Variants in RORA observed in about 807,000 individuals in gnomAD.
The protein encoded by RORA is RAR related orphan receptor A.
Under a neutral mutation model 69.5 loss-of-function variants are expected in RORA, and 7 were observed. The ratio of observed to expected loss-of-function variants is 0.10; its 90% CI spans 0.06 to 0.19. The LOEUF (loss-of-function observed/expected upper bound fraction) is 0.19, where lower values mean the gene tolerates loss of function less well. Among genes scored for constraint, RORA ranks in the 10% least tolerant of loss-of-function variants. RORA has a pLI of 1.00. For synonymous variants in RORA, 261 were observed against 240.8 expected (o/e 1.08, Z -0.78); for missense variants, 457 against 663.0 (o/e 0.69, Z 3.41).
intron 1 of RORA, among the ~76,000 whole-genome samples, chr15:61,109,828 G>C (rs2078986402): frequency 6.6e-6 from 1 of 152,138 alleles, no homozygotes; most frequent in African/African-American, 2.4e-5. Context: ...TGTGATTATA[G>C]TATCTGAGAG....
intron 1 of RORA, among the ~76,000 whole-genome samples, chr15:60,821,340 G>A (rs769139694): frequency 6.6e-6 from 1 of 152,134 alleles, no homozygotes; most frequent in Non-Finnish European, 1.5e-5. Context: ...GGGGCTTCTA[G>A]CCCCTACGCT....
intron 1 of RORA, among the ~76,000 whole-genome samples, chr15:60,950,127 C>A (rs571747857): frequency 1.1e-3 from 171 of 151,536 alleles, no homozygotes; most frequent in African/African-American, 3.9e-3. Context: ...GAGTAGGGGC[C>A]AATATTCAAC....
chr15:60,858,343 G>C (rs2073402133), intron 1 of RORA, among the ~76,000 whole-genome samples: 1 of 152,112 alleles, frequency 6.6e-6, no homozygotes, highest in Non-Finnish European at 1.5e-5. Context: ...TCCCATTATG[G>C]CAAAAACACG....
At chr15:60,643,334 T>C (rs1567138847) in intron 2 of RORA, among the ~76,000 whole-genome samples, 1 of 152,222 alleles carries the variant, frequency 6.6e-6, no homozygotes, top group Non-Finnish European at 1.5e-5. Flanking sequence ...CCAGAGAACT[T>C]TGAATTTCAA....
At chr15:61,118,587 G>A (rs905523821) in intron 1 of RORA, among the ~76,000 whole-genome samples, 3 of 152,060 alleles carry the variant, frequency 2.0e-5, no homozygotes, top group South Asian at 2.1e-4. Context: ...ACGGGGCCCC[G>A]AGAGTTAAGA....
At chr15:60,936,309 G>A (rs978694241) in intron 1 of RORA, among the ~76,000 whole-genome samples, 1 of 152,190 alleles carries the variant, frequency 6.6e-6, no homozygotes, top group Non-Finnish European at 1.5e-5. Flanking sequence ...ATTGAACAAA[G>A]TAGGATGCTT....
chr15:60,846,113 G>A (rs535921601), intron 1 of RORA, among the ~76,000 whole-genome samples: 1 of 152,300 alleles, frequency 6.6e-6, no homozygotes, highest in South Asian at 2.1e-4. Flanking sequence ...GGTCCAGAGA[G>A]ATAAAGTAAC....
At chr15:60,976,861 C>G (rs1206176880) in intron 1 of RORA, among the ~76,000 whole-genome samples, 1 of 152,218 alleles carries the variant, frequency 6.6e-6, no homozygotes, top group Non-Finnish European at 1.5e-5. Flanking sequence ...GCAGCAGCAA[C>G]AGCAGCAGCC....
intron 1 of RORA, among the ~76,000 whole-genome samples, chr15:60,839,601 A>G (rs1567209652): frequency 6.6e-6 from 1 of 152,200 alleles, no homozygotes; most frequent in Non-Finnish European, 1.5e-5. Context: ...ATCAATGCAC[A>G]TCTGTACAGT....
intron 1 of RORA, among the ~76,000 whole-genome samples, chr15:60,870,181 C>T (rs1377528250): frequency 6.6e-6 from 1 of 152,188 alleles, no homozygotes; most frequent in African/African-American, 2.4e-5. Flanking sequence ...AAACCAGGTG[C>T]TATTTATTCA....
intron 1 of RORA, among the ~76,000 whole-genome samples, chr15:61,224,005 CA>C (rs11434024): frequency 3.5e-4 from 50 of 142,672 alleles, no homozygotes; most frequent in South Asian, 1.8e-3. Context: ...AATTAGATAT[CA>C]AAAAAAAAAA....
intron 2 of RORA, among the ~76,000 whole-genome samples, chr15:60,614,618 C>G (rs1440970998): frequency 6.6e-6 from 1 of 152,032 alleles, no homozygotes; most frequent in Non-Finnish European, 1.5e-5. Context: ...GTTCTATGAC[C>G]CTTTGTGGGG....
At chr15:60,528,984 C>T (rs942012710) in intron 3 of RORA, 1 of 152,130 alleles carries the variant, frequency 6.6e-6, no homozygotes, top group Non-Finnish European at 1.5e-5. Context: ...AGAGGATGAA[C>T]TAGGAAGAGC....
intron 1 of RORA, among the ~76,000 whole-genome samples, chr15:61,120,403 TA>T (rs901727857): frequency 1.8e-4 from 27 of 151,900 alleles, no homozygotes; most frequent in African/African-American, 6.3e-4. Context: ...GGAGGAATTT[TA>T]AAAAAACATA....
intron 1 of RORA, among the ~76,000 whole-genome samples, chr15:61,165,433 T>A (rs2079532956): frequency 6.6e-6 from 1 of 152,242 alleles, no homozygotes; most frequent in Non-Finnish European, 1.5e-5. Context: ...AAGTCCTTTA[T>A]CTAATTCCCT....
intron 1 of RORA, among the ~76,000 whole-genome samples, chr15:60,877,253 T>C (rs2073627693): frequency 6.6e-6 from 1 of 152,182 alleles, no homozygotes; most frequent in Non-Finnish European, 1.5e-5. Context: ...AAGGACCTCT[T>C]AAGACCTAAG....
intron 1 of RORA, among the ~76,000 whole-genome samples, chr15:60,707,629 C>G (rs578014695): frequency 1.7e-4 from 26 of 152,260 alleles, no homozygotes; most frequent in African/African-American, 6.0e-4. Context: ...TCCCAAAGTG[C>G]TGGGATTACA....
At chr15:60,735,106 A>C (rs1481771593) in intron 1 of RORA, among the ~76,000 whole-genome samples, 1 of 152,216 alleles carries the variant, frequency 6.6e-6, no homozygotes, top group African/African-American at 2.4e-5. Context: ...TCTTCAGAGG[A>C]GAGAAAGAAG....
chr15:60,763,788 T>A (rs1031872148), intron 1 of RORA: 9 of 152,288 alleles, frequency 5.9e-5, no homozygotes, highest in African/African-American at 1.9e-4. Context: ...CATCCACGTG[T>A]TTTCCCACCT....
Sources: gnomAD v4.1 joint callset for allele counts (sites outside exome capture counted in the v4.1 genomes callset) on GRCh38, gnomAD v4.1.1 for gene constraint, MANE v1.5 for transcripts, NCBI Gene and HGNC (gene_info 2026-07-23, HGNC 2026-07-21) for gene names.